The following GPR139 variants were observed in gnomAD, a reference collection of about 807,000 sequenced individuals.
GPR139 encodes G protein-coupled receptor 139, also known as probable G protein-coupled receptor 139.
A neutral mutation model predicts 25.8 loss-of-function variants in GPR139; 12 were observed. That is an observed-to-expected ratio of 0.47 (90% CI 0.30 to 0.75). The LOEUF is 0.75. Ranked by LOEUF, GPR139 falls within the 30% of genes least tolerant of loss-of-function variation. The probability of loss-of-function intolerance (pLI) is 0.07; values close to 1 mark genes in which losing one functional copy is unlikely to be tolerated. For missense variants in GPR139, 380 were observed against 450.2 expected (o/e 0.84, Z 1.41); for synonymous variants, 184 against 179.9 (o/e 1.02, Z -0.18).
At chr16:20,070,275 C>G (rs1050277111) in intron 1 of GPR139, among the ~76,000 whole-genome samples, 2 of 152,150 alleles carry the variant, frequency 1.3e-5, no homozygotes, top group African/African-American at 4.8e-5. Flanking sequence ...ATATAGGTGA[C>G]AGAGATCCAG....
chr16:20,034,978 A>G (rs1312131216), intron 1 of GPR139, among the ~76,000 whole-genome samples: 1 of 152,208 alleles, frequency 6.6e-6, no homozygotes, highest in African/African-American at 2.4e-5. Context: ...GTACTTATAT[A>G]TGAAAATTTC....
rs938603506 is a variant in GPR139, at chr16:20,070,922, A to G, written c.127+2568T>C. On this transcript the variant is annotated intron_variant, in intron 1 of 1. Coordinates refer to ENST00000570682, the MANE Select transcript of GPR139 (RefSeq NM_001002911.4). ...GCTCAACACGCAGAGTTACATGCTGACCTGAATGCTTTCTTCTGTGTATCT... is the reference window on the plus strand; with the variant it reads ...GCTCAACACGCAGAGTTACATGCTGGCCTGAATGCTTTCTTCTGTGTATCT... 1.0e-5 allele frequency: 10 copies of G among 984,858 alleles called. No homozygotes were observed. The African/African-American group carries it at 1.7e-4, about 17-fold the overall frequency. The allele number at this position is 984,858 out of a possible 1,614,324, so 61.0% of individuals were successfully genotyped here. A position where few individuals can be genotyped will look rare whatever the true frequency, so the allele number is the denominator to read the frequency against.
chr16:20,031,374 C>T lies in GPR139; in HGVS notation c.*361G>A. 1 of 256,132 alleles carries T rather than the reference C, an allele frequency of 3.9e-6. No homozygotes were observed. Among genetic ancestry groups the T allele is most frequent in the Non-Finnish European group, 7.5e-6 (1 of 133,638 alleles). The allele number at this position is 256,132 out of a possible 1,614,324, so 15.9% of individuals were successfully genotyped here. ...TGTGCTACTGGGGCTTGGTAAGTCC[C>T]ATAAATGAAGGGTTCCCAGTGACTG... On this transcript the variant is annotated 3_prime_UTR_variant, in exon 2 of 2. Transcript: ENST00000570682.
chr16:20,069,233 T>C (rs1412038846), intron 1 of GPR139, among the ~76,000 whole-genome samples: 1 of 152,204 alleles, frequency 6.6e-6, no homozygotes, highest in East Asian at 1.9e-4. Context: ...CATTTAATCT[T>C]CACAGCAACC....
intron 1 of GPR139, among the ~76,000 whole-genome samples, chr16:20,065,103 G>A (rs1225126093): frequency 4.0e-5 from 6 of 151,588 alleles, no homozygotes; most frequent in Non-Finnish European, 8.8e-5. Flanking sequence ...TTTGGTGCTT[G>A]TTGCAGCTTT....
At chr16:20,068,125 T>C (rs1181838990) in intron 1 of GPR139, among the ~76,000 whole-genome samples, 1 of 150,240 alleles carries the variant, frequency 6.7e-6, no homozygotes, top group African/African-American at 2.5e-5. Flanking sequence ...TCTGTGATGG[T>C]GGGTTTGAGA....
chr16:20,045,778 A>G (rs2057352406), intron 1 of GPR139, among the ~76,000 whole-genome samples: 1 of 152,118 alleles, frequency 6.6e-6, no homozygotes, highest in African/African-American at 2.4e-5. Flanking sequence ...GCCCCTTTTC[A>G]ATAGCGAATG....
At chr16:20,071,076 C>A (rs2057457910) in intron 1 of GPR139, 2 of 824,720 alleles carry the variant, frequency 2.4e-6, no homozygotes, top group Non-Finnish European at 2.9e-6. Flanking sequence ...CCAAGGCGAG[C>A]ATTTCGCTAG....
intron 1 of GPR139, among the ~76,000 whole-genome samples, chr16:20,046,134 A>G (rs2057353708): frequency 1.3e-5 from 2 of 152,210 alleles, no homozygotes; most frequent in South Asian, 4.1e-4. Flanking sequence ...CAAATAGCTT[A>G]TCAATTGTGC....
intron 1 of GPR139, among the ~76,000 whole-genome samples, chr16:20,048,598 G>T (rs1020769079): frequency 3.9e-5 from 6 of 152,210 alleles, no homozygotes; most frequent in African/African-American, 1.4e-4. Context: ...GATATCGCAT[G>T]CCCCATTGCA....
At chr16:20,053,229 G>A (rs541620641) in intron 1 of GPR139, among the ~76,000 whole-genome samples, 61 of 152,294 alleles carry the variant, frequency 4.0e-4, no homozygotes, top group African/African-American at 1.5e-3. Flanking sequence ...GGGGAACATT[G>A]TTTTCACTGA....
In GPR139 at chr16:20,032,378, GA is replaced by G; in HGVS notation, c.418del (p.Ser140HisfsTer11). The G allele has an allele frequency of 6.2e-7, 1 of 1,614,230 alleles. No homozygotes were observed. ...GACTTTCCGGGTGCGGGCTGGGTAT[GA>G]GACCGTGTGGTACTTGAGCGGGTGG... ...VCHPLKYHTV[S>X]YPARTRKVIV... On this transcript the variant is annotated frameshift_variant, in exon 2 of 2. Coordinates refer to ENST00000570682, the MANE Select transcript of GPR139 (RefSeq NM_001002911.4). LOFTEE classifies it high-confidence loss of function.
intron 1 of GPR139, among the ~76,000 whole-genome samples, chr16:20,067,273 A>G (rs1338543187): frequency 7.9e-5 from 12 of 152,202 alleles, no homozygotes; most frequent in Admixed American, 5.2e-4. Flanking sequence ...TGTCCTGTCC[A>G]TGGGGCCATG....
At chr16:20,057,020 T>C (rs1189630845) in intron 1 of GPR139, among the ~76,000 whole-genome samples, 1 of 152,176 alleles carries the variant, frequency 6.6e-6, no homozygotes, top group African/African-American at 2.4e-5. Context: ...GAATCTTCAA[T>C]CAGGAAGGAA....
At chr16:20,066,006 T>G (rs941025896) in intron 1 of GPR139, among the ~76,000 whole-genome samples, 1 of 152,222 alleles carries the variant, frequency 6.6e-6, no homozygotes, top group Admixed American at 6.5e-5. Context: ...TTGTTTGTTT[T>G]GTACATCTGT....
intron 1 of GPR139, among the ~76,000 whole-genome samples, chr16:20,037,313 G>A (rs532780242): frequency 1.4e-4 from 22 of 152,058 alleles, no homozygotes; most frequent in Middle Eastern, 3.4e-3. Flanking sequence ...TTAGCCAGGC[G>A]TGGTGGTGGG....
chr16:20,031,660 G>T lies in GPR139; in HGVS notation c.*75C>A, dbSNP rs1306023963. The T allele has an allele frequency of 1.7e-6, 2 of 1,160,646 alleles. No individual in the cohort carries two copies. The highest frequency in any genetic ancestry group is 1.5e-5 in the African/African-American group (1 of 65,870). 71.9% of individuals were successfully genotyped at this position (1,160,646 alleles called of 1,614,324 possible). ...CGGATTAGCACTCTTAAGGAGAGCT[G>T]CTCAGCCATAGGATGGGACACCTTC... On this transcript the variant is annotated 3_prime_UTR_variant, in exon 2 of 2. Transcript: ENST00000570682.
intron 1 of GPR139, among the ~76,000 whole-genome samples, chr16:20,042,164 T>C (rs1567236244): frequency 6.6e-6 from 1 of 152,298 alleles, no homozygotes; most frequent in South Asian, 2.1e-4. Context: ...TAATAAATAG[T>C]ACCCACATAG....
chr16:20,051,716 G>A (rs563041636), intron 1 of GPR139, among the ~76,000 whole-genome samples: 84 of 152,312 alleles, frequency 5.5e-4, no homozygotes, highest in African/African-American at 2.0e-3. Context: ...CTGGGAGGAG[G>A]CACAGAGAAA....
Sources: gnomAD v4.1 joint callset for allele counts (sites outside exome capture counted in the v4.1 genomes callset) on GRCh38, gnomAD v4.1.1 for gene constraint, MANE v1.5 for transcripts, NCBI Gene and HGNC (gene_info 2026-07-23, HGNC 2026-07-21) for gene names.